TPSG1: variants seen among roughly 807,000 people sequenced by gnomAD.
TPSG1 encodes the protein tryptase gamma 1.
In TPSG1, 43 loss-of-function variants were observed where a neutral mutation model predicts 23.8. That is an observed-to-expected ratio of 1.81 (90% CI 1.42 to 2.33). TPSG1 has a LOEUF of 2.33. Ranked by LOEUF, TPSG1 falls within the 30% of genes most tolerant of loss-of-function variation. The probability of loss-of-function intolerance (pLI) is 0.00; values close to 1 mark genes in which losing one functional copy is unlikely to be tolerated. For synonymous variants in TPSG1, 302 were observed against 201.3 expected, an observed-to-expected ratio of 1.50 and a Z score of -4.23; for missense variants, 623 against 438.6, an observed-to-expected ratio of 1.42 and a Z score of -3.75.
chr16:1,225,079 C>T (rs562504245), intron 1 of TPSG1, 128 bp downstream of exon 1: 26 of 1,175,474 alleles, frequency 2.2e-5, no homozygotes, highest in Middle Eastern at 2.0e-4. Flanking sequence ...AGAGGAGACA[C>T]GGGGCCCCAC....
chr16:1,224,573 C>T, intron 2 of TPSG1, 29 bp downstream of exon 2: 2 of 1,613,520 alleles, frequency 1.2e-6, no homozygotes, highest in Non-Finnish European at 1.7e-6. Flanking sequence ...TGCACCCTCC[C>T]CCACACCCCA....
rs61736411 is a variant in TPSG1 at position 1,223,424 on chromosome 16, C to T, written c.244G>A (p.Gly82Arg). The change falls in exon 3 of 6, where the codon GGG (glycine) becomes AGG (arginine). Residue 82 changes from glycine to arginine, a missense_variant and splice_region_variant. Transcript: ENST00000234798. ...GCCCCTGCCCACCCGGACACTCACC[C>T]GGAGAAGCAGTGGGCAGCTGTGAGC... Reference protein sequence around the residue: ...WVLTAAHCFSGSLNSSDYQVH... With the variant: ...WVLTAAHCFSRSLNSSDYQVH... 1,156 of 1,582,018 alleles carry T rather than the reference C, an allele frequency of 7.3e-4. 6 individuals are homozygous for T. The African/African-American group carries it at 0.013, about 18-fold the overall frequency.
intron 1 of TPSG1, 91 bp from the exon 2 acceptor site, chr16:1,224,719 C>T (rs2030054504): frequency 1.3e-6 from 2 of 1,550,984 alleles, no homozygotes; most frequent in East Asian, 2.3e-5. Context: ...CTCAGGGCGG[C>T]ACTGGGGTGG....
chr16:1,223,717 G>T, intron 2 of TPSG1, 123 bp from the exon 3 acceptor site: 1 of 1,194,162 alleles, frequency 8.4e-7, no homozygotes, highest in East Asian at 2.7e-5. Flanking sequence ...CAGCTCTCTC[G>T]TCTGCCAGAC....
intron 4 of TPSG1, 101 bp from the exon 5 acceptor site, chr16:1,222,442 C>T (rs1227887607): frequency 1.6e-5 from 20 of 1,274,042 alleles, no homozygotes; most frequent in South Asian, 4.3e-5. Flanking sequence ...CCACCACGAC[C>T]CTCGTCACGG....
rs917240301 is a variant in TPSG1 at position 1,223,716 on chromosome 16, C to T, written c.74-122G>A. 42 of 1,198,870 alleles carry T rather than the reference C, an allele frequency of 3.5e-5. 1 individual carries two copies. The highest frequency in any genetic ancestry group is 1.5e-4 in the Admixed American group (5 of 34,132). The allele number at this position is 1,198,870 out of a possible 1,614,324, so 74.3% of individuals were successfully genotyped here. A position where few individuals can be genotyped will look rare whatever the true frequency, so the allele number is the denominator to read the frequency against. ...TGGGGACTTTGCTCTTCAGCTCTCT[C>T]GTCTGCCAGACTCTCCCCAGAAGCA... On this transcript the variant is annotated intron_variant, in intron 2 of 5. Coordinates refer to ENST00000234798, the MANE Select transcript of TPSG1 (RefSeq NM_012467.4).
chr16:1,224,152 TC>T (rs1186795780), intron 2 of TPSG1: 3 of 198,704 alleles, frequency 1.5e-5, no homozygotes, highest in Non-Finnish European at 3.0e-5. Context: ...CACACCTGGG[TC>T]TGCCTGAGCT....
rs142345965 is a variant in TPSG1, at chr16:1,223,100, G to A, written c.246-183C>T. Among the ~76,000 whole-genome samples the A allele has an allele frequency of 2.8e-3, 421 of 152,330 alleles. 4 individuals are homozygous for A. Among genetic ancestry groups the A allele is most frequent in the African/African-American group, 9.7e-3 (405 of 41,584 alleles). The stretch of plus-strand genomic sequence containing the variant: ...GCCCAAGGACCACGGCAGCACCTTG[G>A]GGTTCCTGCCAGCCCCTGGAAAAGC... On this transcript the variant is annotated intron_variant, in intron 3 of 5. Coordinates refer to ENST00000234798, the MANE Select transcript of TPSG1 (RefSeq NM_012467.4).
chr16:1,224,566 AC>A lies in TPSG1; in HGVS notation c.73+35del, dbSNP rs2030045356. On this transcript the variant is annotated intron_variant, in intron 2 of 5. Transcript: ENST00000234798. ...GGCCCTCCTGCCAGGCCTTGCCTGC[AC>A]CCTCCCCCACACCCCACACCTGTCA... 9 of 1,612,476 alleles carry A rather than the reference AC, an allele frequency of 5.6e-6. 1 individual carries two copies. The South Asian group carries it at 9.9e-5, about 18-fold the overall frequency.
intron 1 of TPSG1, among the ~76,000 whole-genome samples, chr16:1,225,001 C>T (rs182128423): frequency 6.6e-6 from 1 of 152,104 alleles, no homozygotes; most frequent in Non-Finnish European, 1.5e-5. Context: ...CCAACTCCCA[C>T]CCGCACATCC....
chr16:1,222,662 C>G lies in TPSG1; in HGVS notation c.501G>C (p.Thr167=). 1 of 1,556,222 alleles carries G rather than the reference C, an allele frequency of 6.4e-7. No homozygotes were observed. The highest frequency in any genetic ancestry group is 2.3e-5 in the East Asian group (1 of 43,928). ...IRCWVTGWGY[T]REGEPLPPPY... ...ACGGGGGCTCCTCACCTCCCTCCCG[C>G]GTATAGCCCCAGCCGGTCACCCAGC... The change falls in exon 4 of 6, where the codon ACG becomes ACC. Residue 167 remains threonine, a synonymous_variant. Coordinates refer to ENST00000234798, the MANE Select transcript of TPSG1 (RefSeq NM_012467.4).
intron 2 of TPSG1, 109 bp from the exon 3 acceptor site, chr16:1,223,703 T>C (rs2029983322): frequency 7.8e-7 from 1 of 1,287,350 alleles, no homozygotes. Context: ...GGGACTTTGC[T>C]CTTCAGCTCT....
In TPSG1 at chr16:1,221,792, T is replaced by C; in HGVS notation, c.962A>G (p.Asp321Gly). The stretch of plus-strand genomic sequence containing the variant: ...AATGCACTTGGATTCCTGCCATCAG[T>C]CAGGGGCGGGGAAGGGAGTACCATC... Reference protein sequence around the residue: ...SADGTPFPAPD With the variant: ...SADGTPFPAPG The change falls in exon 6 of 6, where the codon GAC becomes GGC. Residue 321 changes from aspartate to glycine, a missense_variant. Physicochemically the swap from Asp to Gly is moderately conservative, Grantham distance 94 (BLOSUM62 -1). Coordinates refer to ENST00000234798, the MANE Select transcript of TPSG1 (RefSeq NM_012467.4). 1 of 1,600,954 alleles carries C rather than the reference T, an allele frequency of 6.2e-7. No individual in the cohort carries two copies. Among genetic ancestry groups the C allele is most frequent in the Non-Finnish European group, 8.5e-7 (1 of 1,172,466 alleles).
At chr16:1,223,366 C>T (rs969034680) in intron 3 of TPSG1, 57 bp downstream of exon 3, 81 of 1,505,030 alleles carry the variant, frequency 5.4e-5, no homozygotes, top group Admixed American at 1.3e-4. Flanking sequence ...TCTGCGCTGG[C>T]GCATGCCCCA....
At chr16:1,225,093 G>A (rs1011842445) in intron 1 of TPSG1, 114 bp downstream of exon 1, 5 of 1,359,304 alleles carry the variant, frequency 3.7e-6, no homozygotes, top group African/African-American at 2.9e-5. Flanking sequence ...GCCCCACAGG[G>A]TGGGGACTCA....
In TPSG1 at chr16:1,224,647, G is replaced by T. The variant is rs534132460; in HGVS notation, c.47-19C>A. On this transcript the variant is annotated intron_variant, in intron 1 of 5. Transcript: ENST00000234798. ...GACACACCTGTGGGAAAGACGAAGG[G>T]CCCAGGATGGAGGGGGCTGCCAAGG... 6.2e-7 allele frequency: 1 copy of T among 1,613,678 alleles called. No homozygotes were observed. The highest frequency in any genetic ancestry group is 1.1e-5 in the South Asian group (1 of 91,082).
rs777178563 is a variant in TPSG1, at chr16:1,221,904, G to A, written c.850C>T (p.Leu284Phe). ...GSESGYPRLP[L>F]LAGFFLPGLF... Reference sequence around the variant, plus strand: ...CCGGGGAGGAAGAAGCCAGCCAGGAGGGGGAGCCTGGGGTACCCAGACTCT... The same window carrying A: ...CCGGGGAGGAAGAAGCCAGCCAGGAAGGGGAGCCTGGGGTACCCAGACTCT... The change falls in exon 6 of 6, where the codon CTC becomes TTC. Residue 284 changes from leucine to phenylalanine, a missense_variant. By Grantham distance (22) the Leu-to-Phe change is conservative. Transcript: ENST00000234798. 3.1e-6 allele frequency: 5 copies of A among 1,610,920 alleles called. No homozygotes were observed. The highest frequency in any genetic ancestry group is 1.6e-4 in the Middle Eastern group (1 of 6,074).
chr16:1,225,174 C>A lies in TPSG1; in HGVS notation c.46+33G>T, dbSNP rs373617417. The A allele has an allele frequency of 8.3e-5, 130 of 1,558,774 alleles. No individual in the cohort carries two copies. In the African/African-American group the frequency reaches 1.7e-3, roughly 20 times the overall value. On this transcript the variant is annotated intron_variant, in intron 1 of 5. Transcript: ENST00000234798. Reference sequence around the variant, plus strand: ...GGGGTCCAGGCAGGAAGCAGATGCCCCCCCATCCCCACACCCAGGCCAGGT... The same window carrying A: ...GGGGTCCAGGCAGGAAGCAGATGCCACCCCATCCCCACACCCAGGCCAGGT...
In TPSG1 at chr16:1,223,468, A is replaced by C; in HGVS notation, c.200T>G (p.Leu67Arg). 1 of 1,587,248 alleles carries C rather than the reference A, an allele frequency of 6.3e-7. No individual in the cohort carries two copies. The highest frequency in any genetic ancestry group is 8.6e-7 in the Non-Finnish European group (1 of 1,169,312). The change falls in exon 3 of 6, where the codon CTG becomes CGG. Residue 67 changes from leucine (L) to arginine (R), a missense_variant. Coordinates refer to ENST00000234798, the MANE Select transcript of TPSG1 (RefSeq NM_012467.4). ...TGTGAGCACCCACTGGGGGCTGAGCAGTGACCCGCCGCACACGTGCACCCT... is the reference window on the plus strand; with the variant it reads ...TGTGAGCACCCACTGGGGGCTGAGCCGTGACCCGCCGCACACGTGCACCCT... The part of the protein sequence containing the change: ...LRRVHVCGGS[L>R]LSPQWVLTAA...
Sources: allele counts gnomAD v4.1 joint callset (sites outside exome capture counted in the v4.1 genomes callset), GRCh38; gene constraint gnomAD v4.1.1; transcripts MANE v1.5; gene names NCBI Gene and HGNC (gene_info 2026-07-23, HGNC 2026-07-21).